Variants in HAUS8 observed in about 807,000 individuals in gnomAD.
HAUS8 encodes HAUS augmin like complex subunit 8.
Under a neutral mutation model 42.9 loss-of-function variants are expected in HAUS8, and 38 were observed. The observed-to-expected ratio is 0.89, with a 90% confidence interval of 0.68 to 1.16. The LOEUF is 1.16. Among genes scored for constraint, HAUS8 ranks in the 50% most tolerant of loss-of-function variants. The probability of loss-of-function intolerance (pLI) is 0.00; values close to 1 mark genes in which losing one functional copy is unlikely to be tolerated. For missense variants in HAUS8, 494 were observed against 511.6 expected (o/e 0.97, Z 0.33); for synonymous variants, 199 against 205.8 (o/e 0.97, Z 0.28).
intron 10 of HAUS8, 96 bp from the exon 11 acceptor site, chr19:17,050,272 T>G: frequency 1.1e-6 from 1 of 943,442 alleles, no homozygotes. Context: ...GAGGCGGATT[T>G]TCACATGCCC....
At chr19:17,071,600 A>G (rs776061295) in intron 2 of HAUS8, among the ~76,000 whole-genome samples, 53 of 152,152 alleles carry the variant, frequency 3.5e-4, no homozygotes, top group Admixed American at 7.2e-4. Flanking sequence ...GCATCAGGAA[A>G]CAGTTTTGCT....
In HAUS8 at chr19:17,075,228, A is replaced by G. The variant is rs548068772; in HGVS notation, c.29+166T>C. 3.0e-5 allele frequency: 22 copies of G among 731,306 alleles called. No individual in the cohort carries two copies. In the African/African-American group the frequency reaches 3.3e-4, roughly 11 times the overall value. 45.3% of individuals were successfully genotyped at this position (731,306 alleles called of 1,614,324 possible). On this transcript the variant is annotated intron_variant, in intron 1 of 10. Coordinates refer to ENST00000253669, the MANE Select transcript of HAUS8 (RefSeq NM_033417.2). ...GGCCGGTCGGGTGTCAGCGCTCCGG[A>G]GCATGCGCAGAGGCAGCACGCCATC...
intron 8 of HAUS8, among the ~76,000 whole-genome samples, chr19:17,056,880 T>C (rs2057330067): frequency 6.6e-6 from 1 of 151,812 alleles, no homozygotes; most frequent in Middle Eastern, 3.2e-3. Context: ...CGTGAGCCAC[T>C]GCACATACAT....
chr19:17,075,386 C>G lies in HAUS8; in HGVS notation c.29+8G>C. On this transcript the variant is annotated splice_region_variant and intron_variant, in intron 1 of 10. Transcript: ENST00000253669. ...TACAAATCCAGACCTGCGGAAGCCC[C>G]AACTCACCCAGCGCCTCGCCCCGAG... 1 of 1,613,986 alleles carries G rather than the reference C, an allele frequency of 6.2e-7. No homozygotes were observed. The highest frequency in any genetic ancestry group is 8.5e-7 in the Non-Finnish European group (1 of 1,179,908).
At chr19:17,072,914 G>A (rs1287181434) in intron 2 of HAUS8, among the ~76,000 whole-genome samples, 3 of 140,640 alleles carry the variant, frequency 2.1e-5, no homozygotes, top group Non-Finnish European at 4.5e-5. Flanking sequence ...TTAGGAGTTC[G>A]AGACCAGCCT....
intron 4 of HAUS8, among the ~76,000 whole-genome samples, chr19:17,061,383 G>A (rs904475759): frequency 1.3e-5 from 2 of 151,988 alleles, no homozygotes; most frequent in Admixed American, 6.6e-5. Flanking sequence ...GGGATCTACC[G>A]GCTTCATCCT....
chr19:17,050,993 G>C (rs1241302168), intron 10 of HAUS8, among the ~76,000 whole-genome samples: 2 of 152,174 alleles, frequency 1.3e-5, no homozygotes, highest in African/African-American at 4.8e-5. Flanking sequence ...CTCGGAGGCA[G>C]AGGTTGCAGT....
At position 17,052,925 on chromosome 19, in the gene HAUS8, C is replaced by T. The variant is rs781230121; in HGVS notation, c.829G>A (p.Gly277Arg). The T allele has an allele frequency of 2.2e-5, 35 of 1,614,072 alleles. No homozygotes were observed. The highest frequency in any genetic ancestry group is 3.0e-5 in the Non-Finnish European group (35 of 1,180,042). Reference protein sequence around the residue: ...HELVTTQRLLGELDVGDSEEN... With the variant: ...HELVTTQRLLRELDVGDSEEN... ...TCCGAATCACCAACATCAAGTTCTC[C>T]CAGGAGGCGCTGAGTGGTCACCAGT... Residue 277 changes from glycine (G) to arginine (R), a missense_variant, in exon 10 of 11, where the codon GGA becomes AGA. By Grantham distance (125) the Gly-to-Arg change is moderately radical. Coordinates refer to ENST00000253669, the MANE Select transcript of HAUS8 (RefSeq NM_033417.2).
intron 10 of HAUS8, among the ~76,000 whole-genome samples, chr19:17,051,024 C>T (rs2057284327): frequency 6.6e-6 from 1 of 152,146 alleles, no homozygotes; most frequent in Non-Finnish European, 1.5e-5. Flanking sequence ...CGCGCCACTG[C>T]ACTCCAGCCT....
intron 1 of HAUS8, chr19:17,074,913 G>C (rs76622391): frequency 0.012 from 1,940 of 163,314 alleles, 53 homozygotes; most frequent in African/African-American, 0.043. Flanking sequence ...TCCCCTCCCT[G>C]GGTCTCCATC....
intron 8 of HAUS8, among the ~76,000 whole-genome samples, chr19:17,057,038 C>T (rs926452658): frequency 5.3e-5 from 8 of 152,210 alleles, no homozygotes; most frequent in Non-Finnish European, 1.2e-4. Flanking sequence ...TGCCACCACA[C>T]TTGGCTAATT....
chr19:17,059,888 A>G, intron 5 of HAUS8, 109 bp downstream of exon 5: 2 of 797,498 alleles, frequency 2.5e-6, no homozygotes, highest in South Asian at 2.9e-5. Flanking sequence ...TCAACTTACA[A>G]TGGGTTTGTT....
chr19:17,053,892 T>C (rs2057303846), intron 9 of HAUS8, among the ~76,000 whole-genome samples: 1 of 152,092 alleles, frequency 6.6e-6, no homozygotes, highest in African/African-American at 2.4e-5. Flanking sequence ...ATTGAACTAC[T>C]GACCTCGTGA....
rs2057406712 is a variant in HAUS8, at chr19:17,069,239, A to C, written c.92-153T>G. 18 of 692,028 alleles carry C rather than the reference A, an allele frequency of 2.6e-5. No individual in the cohort carries two copies. The South Asian group carries it at 2.9e-4, about 11-fold the overall frequency. The allele number at this position is 692,028 out of a possible 1,614,324, so 42.9% of individuals were successfully genotyped here. A position where few individuals can be genotyped will look rare whatever the true frequency, so the allele number is the denominator to read the frequency against. On this transcript the variant is annotated intron_variant, in intron 2 of 10. Coordinates refer to ENST00000253669, the MANE Select transcript of HAUS8 (RefSeq NM_033417.2). ...TCACCACTCCTCCTGCTCGCCTCTG[A>C]TCACGTCCTTCGGCAGCCTCAAGCA...
intron 6 of HAUS8, 59 bp downstream of exon 6, chr19:17,059,498 G>A (rs1445818732): frequency 6.8e-6 from 8 of 1,180,992 alleles, no homozygotes; most frequent in Non-Finnish European, 1.0e-5. Flanking sequence ...GTTCAGAGTG[G>A]ACTCTAAATC....
At chr19:17,066,019 T>C (rs574418998) in intron 3 of HAUS8, among the ~76,000 whole-genome samples, 2 of 150,730 alleles carry the variant, frequency 1.3e-5, no homozygotes, top group Non-Finnish European at 3.0e-5. Context: ...CAAGATGGAG[T>C]GCAGTGGCTC....
rs1329813280 is a variant in HAUS8, at chr19:17,058,848, T to G, written c.449A>C (p.Glu150Ala). 1.9e-6 allele frequency: 3 copies of G among 1,613,024 alleles called. No individual in the cohort carries two copies. The highest frequency in any genetic ancestry group is 1.7e-4 in the Middle Eastern group (1 of 6,060). The change falls in exon 7 of 11, where the codon GAG becomes GCG. Residue 150 changes from glutamate (E) to alanine (A), a missense_variant. Coordinates refer to ENST00000253669, the MANE Select transcript of HAUS8 (RefSeq NM_033417.2). ...TAGCGTCAGCAGTAGTGTCTGAGAC[T>G]CCATCATTTCCATTGCTTCAGATAA... ...PDLSEAMEMM[E>A]SQTLLLTLLS... is the part of the protein sequence containing the mutation.
rs920953586 is a variant in HAUS8 at position 17,055,770 on chromosome 19, C to T, written c.787+91G>A. ...TCTGCCTTAGTTGGGGAAGAGGGCA[C>T]TTGCGGTGATGACATCAGGCCCACA... On this transcript the variant is annotated intron_variant, in intron 9 of 10. Transcript: ENST00000253669. 5 of 1,391,388 alleles carry T rather than the reference C, an allele frequency of 3.6e-6. No individual in the cohort carries two copies. The African/African-American group carries it at 7.1e-5, about 20-fold the overall frequency. The allele number at this position is 1,391,388 out of a possible 1,614,324, so 86.2% of individuals were successfully genotyped here. A position where few individuals can be genotyped will look rare whatever the true frequency, so the allele number is the denominator to read the frequency against.
At chr19:17,066,501 G>T (rs2057387865) in intron 3 of HAUS8, among the ~76,000 whole-genome samples, 1 of 152,172 alleles carries the variant, frequency 6.6e-6, no homozygotes, top group Non-Finnish European at 1.5e-5. Flanking sequence ...GGGGTCATGG[G>T]AATCCCAACT....
Sources: gnomAD v4.1 joint callset for allele counts (sites outside exome capture counted in the v4.1 genomes callset) on GRCh38, gnomAD v4.1.1 for gene constraint, MANE v1.5 for transcripts, NCBI Gene and HGNC (gene_info 2026-07-23, HGNC 2026-07-21) for gene names.